Variants in ATP13A3 observed in about 807,000 individuals in gnomAD.
ATP13A3 encodes polyamine-transporting ATPase 13A3.
In ATP13A3, 59 loss-of-function variants were observed where a neutral mutation model predicts 158.1. That is an observed-to-expected ratio of 0.37 (90% CI 0.30 to 0.46). The LOEUF (loss-of-function observed/expected upper bound fraction) is 0.46, where lower values mean the gene tolerates loss of function less well. Ranked by LOEUF, ATP13A3 falls within the 20% of genes least tolerant of loss-of-function variation. The pLI is 1.00. For synonymous variants in ATP13A3, 491 were observed against 504.3 expected, an observed-to-expected ratio of 0.97 and a Z score of 0.35; for missense variants, 1,166 against 1,525.2, an observed-to-expected ratio of 0.76 and a Z score of 3.92.
At chr3:194,481,002 C>A (rs1720727225) in intron 2 of ATP13A3, among the ~76,000 whole-genome samples, 1 of 152,154 alleles carries the variant, frequency 6.6e-6, no homozygotes, top group Non-Finnish European at 1.5e-5. Flanking sequence ...ATGTCAGTTT[C>A]CAACCAGTTT....
intron 14 of ATP13A3, 31 bp from the exon 15 acceptor site, chr3:194,444,817 G>C (rs1433860121): frequency 6.5e-7 from 1 of 1,544,022 alleles, no homozygotes; most frequent in African/African-American, 1.4e-5. Context: ...CATGCACAAA[G>C]TATGGATGAT....
intron 2 of ATP13A3, among the ~76,000 whole-genome samples, chr3:194,475,334 A>G (rs1322655159): frequency 1.3e-5 from 2 of 152,252 alleles, no homozygotes. Flanking sequence ...AGAATGATTC[A>G]TATTTCACTC....
chr3:194,485,540 T>C (rs1458732226), intron 2 of ATP13A3, among the ~76,000 whole-genome samples: 1 of 152,232 alleles, frequency 6.6e-6, no homozygotes, highest in Non-Finnish European at 1.5e-5. Flanking sequence ...TTTTAAAGGC[T>C]TTATTTTGCA....
chr3:194,434,016 T>G, intron 20 of ATP13A3, 120 bp from the exon 21 acceptor site: 1 of 1,077,690 alleles, frequency 9.3e-7, no homozygotes. Flanking sequence ...CAGTTTAAAA[T>G]ATCTATAAAT....
rs1247049155 is a variant in ATP13A3 at position 194,462,367 on chromosome 3, G to C, written c.-46-131C>G. The C allele has an allele frequency of 6.7e-6, 4 of 600,898 alleles. No individual in the cohort carries two copies. In the East Asian group the frequency reaches 1.1e-4, roughly 17 times the overall value. The allele number at this position is 600,898 out of a possible 1,614,324, so 37.2% of individuals were successfully genotyped here. On this transcript the variant is annotated intron_variant, in intron 2 of 33. Coordinates refer to ENST00000645319, the MANE Select transcript of ATP13A3 (RefSeq NM_001367549.1). Reference sequence around the variant, plus strand: ...GGGTCACGGACCTGTTAGGAACAGGGCCACACAGTAGGAGGTGAGTGACAG... The same window carrying C: ...GGGTCACGGACCTGTTAGGAACAGGCCCACACAGTAGGAGGTGAGTGACAG...
At position 194,421,552 on chromosome 3, in the gene ATP13A3, C is replaced by CAA. The variant is rs34760027; in HGVS notation, c.3314-1587_3314-1586dup. On this transcript the variant is annotated intron_variant, in intron 30 of 33. Coordinates refer to ENST00000645319, the MANE Select transcript of ATP13A3 (RefSeq NM_001367549.1). ...TGGGTGACAGAGCGAGACTCCATCT[C>CAA]AAAAAAAAAAAAAAAAAAAAGTGGG... Among the ~76,000 whole-genome samples the CAA allele has an allele frequency of 2.8e-3, 201 of 71,802 alleles. 3 individuals carry two copies. The highest frequency in any genetic ancestry group is 8.4e-3 in the African/African-American group (181 of 21,612). The allele number at this position is 71,802 out of a possible 152,430, so 47.1% of individuals were successfully genotyped here.
chr3:194,453,878 A>C (rs1439733614), intron 9 of ATP13A3, 100 bp from the exon 10 acceptor site: 4 of 801,098 alleles, frequency 5.0e-6, no homozygotes, highest in Non-Finnish European at 8.3e-6. Flanking sequence ...ATAAATGCAT[A>C]TCACTCCATC....
intron 2 of ATP13A3, among the ~76,000 whole-genome samples, chr3:194,477,228 G>A (rs897174153): frequency 4.6e-5 from 7 of 152,158 alleles, no homozygotes; most frequent in Non-Finnish European, 7.3e-5. Flanking sequence ...TCTCCTAGCA[G>A]AGGACTGCCC....
At chr3:194,417,565 A>G (rs1413275827) in intron 31 of ATP13A3, among the ~76,000 whole-genome samples, 1 of 152,134 alleles carries the variant, frequency 6.6e-6, no homozygotes, top group Admixed American at 6.6e-5. Flanking sequence ...TCATGGTAGC[A>G]TGGACAATAT....
Position 194,494,253 on chromosome 3 carries a change from C to A in ATP13A3, n.543G>T. The A allele has an allele frequency of 2.5e-6, 1 of 398,668 alleles. No individual in the cohort carries two copies. Among genetic ancestry groups the A allele is most frequent in the East Asian group, 3.6e-5 (1 of 28,082 alleles). The allele number at this position is 398,668 out of a possible 1,614,324, so 24.7% of individuals were successfully genotyped here. A position where few individuals can be genotyped will look rare whatever the true frequency, so the allele number is the denominator to read the frequency against. ...CCACATCTGGATCCTCAGCCCCTCACAGCACACAGCGGTAGTCAGAAAGTA... is the reference window on the plus strand; with the variant it reads ...CCACATCTGGATCCTCAGCCCCTCAAAGCACACAGCGGTAGTCAGAAAGTA... On this transcript the variant is annotated non_coding_transcript_exon_variant, in exon 2 of 33. Transcript: ENST00000687055. The surrounding 1 kb of genome is among the most constrained non-coding windows in gnomAD (Gnocchi z 4.2).
chr3:194,404,215 C>T lies in ATP13A3; in HGVS notation c.*1704G>A, dbSNP rs1714789754. 1 of 414,716 alleles carries T rather than the reference C, an allele frequency of 2.4e-6. No individual in the cohort carries two copies. 25.7% of individuals were successfully genotyped at this position (414,716 alleles called of 1,614,324 possible). A position where few individuals can be genotyped will look rare whatever the true frequency, so the allele number is the denominator to read the frequency against. Reference sequence around the variant, plus strand: ...CTTCATAGAATCATTCATGGAACAACTGTTATCATCTAATGTGTATTAATA... The same window carrying T: ...CTTCATAGAATCATTCATGGAACAATTGTTATCATCTAATGTGTATTAATA... On this transcript the variant is annotated 3_prime_UTR_variant, in exon 34 of 34. Transcript: ENST00000645319.
At chr3:194,443,547 C>T (rs1288504929) in intron 15 of ATP13A3, among the ~76,000 whole-genome samples, 1 of 152,010 alleles carries the variant, frequency 6.6e-6, no homozygotes, top group Non-Finnish European at 1.5e-5. Context: ...TGGTATAGAG[C>T]TATATAATTA....
At chr3:194,433,521 G>C (rs1438291975) in intron 21 of ATP13A3, among the ~76,000 whole-genome samples, 5 of 152,126 alleles carry the variant, frequency 3.3e-5, no homozygotes, top group Non-Finnish European at 5.9e-5. Context: ...GGGATTACAG[G>C]CGTGAGCCAC....
chr3:194,474,485 A>T (rs1264743496), intron 2 of ATP13A3, among the ~76,000 whole-genome samples: 1 of 152,238 alleles, frequency 6.6e-6, no homozygotes, highest in Non-Finnish European at 1.5e-5. Context: ...TTAATATAAT[A>T]GAAATTGACA....
intron 28 of ATP13A3, among the ~76,000 whole-genome samples, chr3:194,427,455 G>A (rs986306485): frequency 6.6e-5 from 10 of 151,744 alleles, no homozygotes; most frequent in African/African-American, 2.4e-4. Context: ...TTTGAAAAAC[G>A]CCTCAGGAAT....
chr3:194,478,855 G>A (rs192417451), intron 2 of ATP13A3, among the ~76,000 whole-genome samples: 10 of 152,078 alleles, frequency 6.6e-5, no homozygotes, highest in African/African-American at 9.7e-5. Flanking sequence ...CTCATTCATC[G>A]ATGTCTCCCC....
At chr3:194,432,147 CAA>C in intron 21 of ATP13A3, 2 of 389,422 alleles carry the variant, frequency 5.1e-6, no homozygotes, top group Non-Finnish European at 4.5e-6. Context: ...ATATAATTCT[CAA>C]TCTTTTCCAG....
chr3:194,445,297 G>A (rs1341846626), intron 14 of ATP13A3, among the ~76,000 whole-genome samples: 1 of 152,214 alleles, frequency 6.6e-6, no homozygotes, highest in Non-Finnish European at 1.5e-5. Context: ...TGTAAGCAAT[G>A]TAATCCCTAT....
At chr3:194,433,038 T>C (rs1229480237) in intron 21 of ATP13A3, among the ~76,000 whole-genome samples, 1 of 152,110 alleles carries the variant, frequency 6.6e-6, no homozygotes, top group Non-Finnish European at 1.5e-5. Flanking sequence ...TCTATGTAGC[T>C]GACAGTTCTA....
Sources: allele counts gnomAD v4.1 joint callset (sites outside exome capture counted in the v4.1 genomes callset), GRCh38; gene constraint gnomAD v4.1.1; non-coding constraint Gnocchi (gnomAD v3.1); transcripts MANE v1.5; gene names NCBI Gene and HGNC (gene_info 2026-07-23, HGNC 2026-07-21).